Variants in DLGAP1 observed in about 807,000 individuals in gnomAD.
DLGAP1 encodes DLG associated protein 1.
Under a neutral mutation model 90.8 loss-of-function variants are expected in DLGAP1, and 11 were observed. The observed-to-expected ratio is 0.12, with a 90% CI of 0.08 to 0.20. DLGAP1 has a LOEUF of 0.20. Among genes scored for constraint, DLGAP1 ranks in the 10% least tolerant of loss-of-function variants. The pLI is 1.00. For missense variants in DLGAP1, 1,050 were observed against 1,333.8 expected, an observed-to-expected ratio of 0.79 and a Z score of 3.31; for synonymous variants, 558 against 540.7, an observed-to-expected ratio of 1.03 and a Z score of -0.44.
chr18:4,409,453 A>T (rs2082731017), intron 1 of DLGAP1, among the ~76,000 whole-genome samples: 3 of 152,216 alleles, frequency 2.0e-5, no homozygotes, highest in Admixed American at 2.0e-4. Context: ...TATCTCTATC[A>T]CAGAATTCAC....
chr18:3,719,123 G>C (rs951906436), intron 7 of DLGAP1, among the ~76,000 whole-genome samples: 1 of 152,092 alleles, frequency 6.6e-6, no homozygotes, highest in African/African-American at 2.4e-5. Flanking sequence ...ATAATTTTAA[G>C]TTGGAGAGGG....
intron 1 of DLGAP1, among the ~76,000 whole-genome samples, chr18:4,227,474 TA>T (rs1490563253): frequency 2.6e-5 from 4 of 152,044 alleles, no homozygotes; most frequent in South Asian, 2.1e-4. Context: ...CTTAAGACAT[TA>T]AAAAAATTGA....
In DLGAP1 at chr18:3,856,730, A is replaced by G. The variant is rs866932012; in HGVS notation, c.957+22382T>C. Among the ~76,000 whole-genome samples, 366 of 152,082 alleles carry G rather than the reference A, an allele frequency of 2.4e-3. 4 individuals are homozygous for G. Among genetic ancestry groups the G allele is most frequent in the African/African-American group, 7.9e-3 (327 of 41,490 alleles). On this transcript the variant is annotated intron_variant, in intron 4 of 12. Transcript: ENST00000315677. ...CAAAAAATTAGCCGGGTGTGGTGGC[A>G]GGCAGCTGTAGTCCCAGCTACTCGG...
At position 3,765,249 on chromosome 18, in the gene DLGAP1, G is replaced by T. The variant is rs540175892; in HGVS notation, c.1173-22737C>A. Among the ~76,000 whole-genome samples the T allele has an allele frequency of 2.9e-3, 429 of 148,742 alleles. 1 individual carries two copies. Among genetic ancestry groups the T allele is most frequent in the Non-Finnish European group, 5.4e-3 (363 of 67,672 alleles). On this transcript the variant is annotated intron_variant, in intron 5 of 12. Transcript: ENST00000315677. ...GGGTTCACACCATTCTTCTGCTTCAGCCTCCCGAGTAGCTGGAACTACAGG... is the reference window on the plus strand; with the variant it reads ...GGGTTCACACCATTCTTCTGCTTCATCCTCCCGAGTAGCTGGAACTACAGG...
At chr18:3,820,614 G>T (rs2067355831) in intron 4 of DLGAP1, among the ~76,000 whole-genome samples, 1 of 152,180 alleles carries the variant, frequency 6.6e-6, no homozygotes, top group African/African-American at 2.4e-5. Context: ...GGATCAACCT[G>T]TTTGACTTTC....
At chr18:3,774,608 G>T (rs1201927136) in intron 5 of DLGAP1, 1 of 152,256 alleles carries the variant, frequency 6.6e-6, no homozygotes, top group African/African-American at 2.4e-5. Flanking sequence ...GGGGATAGTG[G>T]TGGTGGGCCC....
chr18:4,452,899 C>G (rs2083868737), intron 1 of DLGAP1, among the ~76,000 whole-genome samples: 1 of 152,172 alleles, frequency 6.6e-6, no homozygotes, highest in African/African-American at 2.4e-5. Context: ...AGAATGTTAA[C>G]CAGTTCCTTT....
chr18:3,587,169 C>T (rs586760), intron 7 of DLGAP1, among the ~76,000 whole-genome samples: 7 of 152,078 alleles, frequency 4.6e-5, no homozygotes, highest in Admixed American at 2.6e-4. Flanking sequence ...ATTCTCCTGC[C>T]TCAGCCTCTG....
intron 5 of DLGAP1, among the ~76,000 whole-genome samples, chr18:3,804,248 G>T (rs2066463004): frequency 6.6e-6 from 1 of 152,228 alleles, no homozygotes; most frequent in Admixed American, 6.5e-5. Flanking sequence ...GCCTCCCAAA[G>T]TGCTGGGATT....
intron 5 of DLGAP1, among the ~76,000 whole-genome samples, chr18:3,786,534 C>T (rs930828443): frequency 2.6e-5 from 4 of 152,132 alleles, no homozygotes; most frequent in South Asian, 2.1e-4. Flanking sequence ...TATGTGTGGT[C>T]TTGGGTTTGG....
rs1422587525 is a variant in DLGAP1, at chr18:3,499,462, G to A, written c.2725-68C>T. ...GACAAGCTTGGGAAAAACTGGGATA[G>A]GTCAGTAGTTAGAACACACAGTTTT... On this transcript the variant is annotated intron_variant, in intron 12 of 12. Coordinates refer to ENST00000315677, the MANE Select transcript of DLGAP1 (RefSeq NM_004746.4). The surrounding 1 kb of genome is among the most constrained non-coding windows in gnomAD (Gnocchi z 6.4). 1 of 1,502,282 alleles carries A rather than the reference G, an allele frequency of 6.7e-7. No individual in the cohort carries two copies. The highest frequency in any genetic ancestry group is 9.0e-7 in the Non-Finnish European group (1 of 1,109,792). The allele number at this position is 1,502,282 out of a possible 1,614,324, so 93.1% of individuals were successfully genotyped here. A position where few individuals can be genotyped will look rare whatever the true frequency, so the allele number is the denominator to read the frequency against.
chr18:3,700,938 G>A lies in DLGAP1; in HGVS notation c.1591+28197C>T, dbSNP rs547485157. ...TTGTTGCCCAGGCTGGAATGCAGTA[G>A]TGGGATCATAGCTTACTGCAGCCTT... On this transcript the variant is annotated intron_variant, in intron 7 of 12. Transcript: ENST00000315677. Among the ~76,000 whole-genome samples, 17 of 152,282 alleles carry A rather than the reference G, an allele frequency of 1.1e-4. No individual in the cohort carries two copies. In the South Asian group the frequency reaches 3.5e-3, roughly 32 times the overall value.
intron 2 of DLGAP1, among the ~76,000 whole-genome samples, chr18:4,085,365 C>A (rs1415475265): frequency 6.6e-6 from 1 of 152,228 alleles, no homozygotes; most frequent in East Asian, 1.9e-4. Context: ...ACTGAGGAAT[C>A]TGCTTCCTTT....
rs74527370 is a variant in DLGAP1 at position 3,781,802 on chromosome 18, T to G, written c.1172+32257A>C. ...TCTATATTTACATATTATATACCAT[T>G]AAATAAAGTAGAAATTTTAAAAACA... On this transcript the variant is annotated intron_variant, in intron 5 of 12. Coordinates refer to ENST00000315677, the MANE Select transcript of DLGAP1 (RefSeq NM_004746.4). 2.2e-3 allele frequency among the ~76,000 whole-genome samples: 338 copies of G among 152,324 alleles called. 7 individuals carry two copies. In the East Asian group the frequency reaches 0.049, roughly 22 times the overall value.
At chr18:3,697,035 T>G (rs1350201635) in intron 7 of DLGAP1, among the ~76,000 whole-genome samples, 1 of 152,350 alleles carries the variant, frequency 6.6e-6, no homozygotes, top group East Asian at 1.9e-4. Context: ...GTGGAATCAG[T>G]GGTGAGATCC....
At chr18:4,411,929 C>G (rs922528108) in intron 1 of DLGAP1, among the ~76,000 whole-genome samples, 1 of 152,072 alleles carries the variant, frequency 6.6e-6, no homozygotes, top group Non-Finnish European at 1.5e-5. Flanking sequence ...CACAGCCTGT[C>G]AAAAGTCCAG....
At chr18:3,838,049 TG>T (rs752816330) in intron 4 of DLGAP1, among the ~76,000 whole-genome samples, 322 of 151,978 alleles carry the variant, frequency 2.1e-3, no homozygotes, top group Middle Eastern at 3.4e-3. Flanking sequence ...AATTCAACAA[TG>T]GGGAGAAGAG....
At chr18:3,913,020 GA>G (rs1172546509) in intron 3 of DLGAP1, among the ~76,000 whole-genome samples, 1 of 152,128 alleles carries the variant, frequency 6.6e-6, no homozygotes, top group African/African-American at 2.4e-5. Context: ...ATAAACCACT[GA>G]ACTAGATGAT....
chr18:3,548,261 C>A (rs2053173867), intron 9 of DLGAP1, among the ~76,000 whole-genome samples: 1 of 134,548 alleles, frequency 7.4e-6, no homozygotes, highest in African/African-American at 3.3e-5. Context: ...TTATATGTAT[C>A]TTAGTATAAT....
Sources: gnomAD v4.1 joint callset for allele counts (sites outside exome capture counted in the v4.1 genomes callset) on GRCh38, gnomAD v4.1.1 for gene constraint, Gnocchi (gnomAD v3.1) non-coding constraint, MANE v1.5 for transcripts, NCBI Gene and HGNC (gene_info 2026-07-23, HGNC 2026-07-21) for gene names.